The following P3H1 variants were observed in gnomAD, a reference collection of about 807,000 sequenced individuals.
P3H1 encodes prolyl 3-hydroxylase 1, also known as growth suppressor 1.
P3H1 carries 69 observed loss-of-function variants against 84.0 expected under a neutral mutation model. That is an observed-to-expected ratio of 0.82 (90% CI 0.68 to 1.00). P3H1 has a LOEUF of 1.00. P3H1 is among the 50% of genes least tolerant of loss of function. P3H1 has a pLI of 0.00. For missense variants in P3H1, 878 were observed against 962.8 expected (o/e 0.91, Z 1.17); for synonymous variants, 366 against 388.8 (o/e 0.94, Z 0.69).
chr1:42,766,772 G>C lies in P3H1; in HGVS notation c.200C>G (p.Ala67Gly), dbSNP rs757325811. Residue 67 changes from alanine to glycine, a missense_variant, in exon 1 of 15, where the codon GCC (alanine) becomes GGC (glycine). Coordinates refer to ENST00000296388, the MANE Select transcript of P3H1 (RefSeq NM_022356.4). ...GCAGCGCAGGCGAAGGGCGCGGAGG[G>C]CTGCCCGGGAGCGCAGCGCCCGTTC... ...SMERALRSRA[A>G]LRALRLRCRT... 6.3e-7 allele frequency: 1 copy of C among 1,596,608 alleles called. No individual in the cohort carries two copies. The highest frequency in any genetic ancestry group is 8.5e-7 in the Non-Finnish European group (1 of 1,175,274).
chr1:42,755,428 A>G, intron 6 of P3H1, 120 bp downstream of exon 6: 1 of 1,029,062 alleles, frequency 9.7e-7, no homozygotes, highest in East Asian at 2.4e-5. Context: ...CACAGATCCC[A>G]GGCTAGGCTC....
Position 42,749,900 on chromosome 1 carries a change from A to G in P3H1, c.1720+286T>C, listed in dbSNP as rs1018572. The stretch of plus-strand genomic sequence containing the variant: ...GCAGGTCCTCTATGAATGGTTTAGC[A>G]CCAGCTTCCCCATTAAAGTGCGTTG... On this transcript the variant is annotated intron_variant, in intron 11 of 14. Coordinates refer to ENST00000296388, the MANE Select transcript of P3H1 (RefSeq NM_022356.4). The G allele has an allele frequency of 0.99, 449,327 of 456,066 alleles. 221,377 individuals carry two copies. The highest frequency in any genetic ancestry group is 1 in the East Asian group (23,552 of 23,558). The allele number at this position is 456,066 out of a possible 1,614,324, so 28.3% of individuals were successfully genotyped here. A position where few individuals can be genotyped will look rare whatever the true frequency, so the allele number is the denominator to read the frequency against.
At chr1:42,750,473 T>TG in intron 10 of P3H1, 137 bp from the exon 11 acceptor site, 1 of 891,210 alleles carries the variant, frequency 1.1e-6, no homozygotes, top group Admixed American at 2.0e-5. Flanking sequence ...GACTGAATAA[T>TG]GGGGGTGGAT....
chr1:42,754,769 A>G lies in P3H1; in HGVS notation c.1345+100T>C. 6.6e-7 allele frequency: 1 copy of G among 1,522,760 alleles called. No homozygotes were observed. 94.3% of individuals were successfully genotyped at this position (1,522,760 alleles called of 1,614,324 possible). On this transcript the variant is annotated intron_variant, in intron 8 of 14. Transcript: ENST00000296388. The surrounding 1 kb of genome is among the most constrained non-coding windows in gnomAD (Gnocchi z 4.0). ...CCCTAAGGGTGGCTGGCTCATGGTGAGCTCTGCAATGCTGGGGTGGAGCGC... is the reference window on the plus strand; with the variant it reads ...CCCTAAGGGTGGCTGGCTCATGGTGGGCTCTGCAATGCTGGGGTGGAGCGC...
chr1:42,748,879 A>C, intron 11 of P3H1: 1 of 202,680 alleles, frequency 4.9e-6, no homozygotes, highest in Admixed American at 5.2e-5. Context: ...TCCCCAACGC[A>C]AACCTTTGGC....
rs1651833340 is a variant in P3H1, at chr1:42,748,114, C to T, written c.1838+86G>A. ...GCTAGCCCCAACCAGTGTGTGTGTG[C>T]TAGGGTGGGGTAGTAGAGTGCAGGG... On this transcript the variant is annotated intron_variant, in intron 12 of 14. Coordinates refer to ENST00000296388, the MANE Select transcript of P3H1 (RefSeq NM_022356.4). 4 of 948,234 alleles carry T rather than the reference C, an allele frequency of 4.2e-6. No individual in the cohort carries two copies. The East Asian group carries it at 7.4e-5, about 17-fold the overall frequency. The allele number at this position is 948,234 out of a possible 1,614,324, so 58.7% of individuals were successfully genotyped here.
In P3H1 at chr1:42,766,964, A is replaced by C; in HGVS notation, c.8T>G (p.Val3Gly). The change falls in exon 1 of 15, where the codon GTA becomes GGA. Residue 3 changes from valine to glycine, a missense_variant. Val to Gly is a moderately radical substitution (Grantham distance 109, BLOSUM62 -3). Transcript: ENST00000296388. MA[V>G]RALKLLTTLL... ...TGTGGTCAGCAGCTTCAACGCGCGTACCGCCATCGCTCCCTCAGACCTAAC... is the reference window on the plus strand; with the variant it reads ...TGTGGTCAGCAGCTTCAACGCGCGTCCCGCCATCGCTCCCTCAGACCTAAC... 1 of 1,608,140 alleles carries C rather than the reference A, an allele frequency of 6.2e-7. No homozygotes were observed. Among genetic ancestry groups the C allele is most frequent in the Admixed American group, 1.7e-5 (1 of 60,012 alleles).
intron 13 of P3H1, 91 bp from the exon 14 acceptor site, chr1:42,747,503 G>C: frequency 1.5e-6 from 2 of 1,325,024 alleles, no homozygotes; most frequent in Non-Finnish European, 2.1e-6. Flanking sequence ...GCTCACGACC[G>C]AGGGCAGCTC....
At chr1:42,763,586 C>T (rs938058680) in intron 1 of P3H1, among the ~76,000 whole-genome samples, 3 of 143,718 alleles carry the variant, frequency 2.1e-5, no homozygotes, top group Non-Finnish European at 3.0e-5. Context: ...GCAGGAGAAT[C>T]GCTTGAACCC....
Position 42,766,750 on chromosome 1 carries a change from G to T in P3H1, c.222C>A (p.Arg74=). ...SRAALRALRL[R]CRTQCAADFP... ...AGTCGGCGGCACACTGGGTGCGGCA[G>T]CGCAGGCGAAGGGCGCGGAGGGCTG... is the stretch of plus-strand genomic sequence containing the variant. The change falls in exon 1 of 15, where the codon CGC becomes CGA. Residue 74 remains arginine (R), a synonymous_variant. Coordinates refer to ENST00000296388, the MANE Select transcript of P3H1 (RefSeq NM_022356.4). 6.3e-7 allele frequency: 1 copy of T among 1,584,462 alleles called. No homozygotes were observed. The highest frequency in any genetic ancestry group is 8.6e-7 in the Non-Finnish European group (1 of 1,167,194).
rs1570485991 is a variant in P3H1 at position 42,766,374 on chromosome 1, G to A, written c.465+133C>T. ...GGGAGCAGCTCTCCCCGGCTCCGAGGAGAGCTCCCCAGCCAGGAGGCCACT... is the reference window on the plus strand; with the variant it reads ...GGGAGCAGCTCTCCCCGGCTCCGAGAAGAGCTCCCCAGCCAGGAGGCCACT... On this transcript the variant is annotated intron_variant, in intron 1 of 14. Transcript: ENST00000296388. 3.8e-6 allele frequency: 3 copies of A among 797,232 alleles called. No individual in the cohort carries two copies. In the East Asian group the frequency reaches 8.3e-5, roughly 22 times the overall value. 49.4% of individuals were successfully genotyped at this position (797,232 alleles called of 1,614,324 possible). A position where few individuals can be genotyped will look rare whatever the true frequency, so the allele number is the denominator to read the frequency against.
chr1:42,753,317 A>G (rs764532445), intron 8 of P3H1, among the ~76,000 whole-genome samples: 1 of 152,230 alleles, frequency 6.6e-6, no homozygotes, highest in African/African-American at 2.4e-5. Flanking sequence ...AATTCTTTTC[A>G]TACGCTAATC....
At position 42,752,358 on chromosome 1, in the gene P3H1, G is replaced by A; in HGVS notation, c.1485C>T (p.Thr495=). 5 of 1,614,130 alleles carry A rather than the reference G, an allele frequency of 3.1e-6. No homozygotes were observed. The highest frequency in any genetic ancestry group is 4.2e-6 in the Non-Finnish European group (5 of 1,180,034). ...TCTGACCCCGGTAGCCATCTCCTGA[G>A]GTTGCTGCCACCTACAAGGCCCAAA... ...ELQRLTNVAA[T]SGDGYRGQTS... The change falls in exon 10 of 15, where the codon ACC becomes ACT. Residue 495 remains threonine (T), a synonymous_variant. Transcript: ENST00000296388.
intron 4 of P3H1, 89 bp from the exon 5 acceptor site, chr1:42,758,011 T>A: frequency 2.4e-6 from 3 of 1,239,104 alleles, no homozygotes; most frequent in Non-Finnish European, 3.6e-6. Flanking sequence ...GTGTTCAGTC[T>A]CCACAAAGCT....
rs67312126 is a variant in P3H1 at position 42,751,565 on chromosome 1, TAAAA to T, written c.1569+705_1569+708del. On this transcript the variant is annotated intron_variant, in intron 10 of 14. Coordinates refer to ENST00000296388, the MANE Select transcript of P3H1 (RefSeq NM_022356.4). Reference sequence around the variant, plus strand: ...GCGAGAAACACCCAAGAATGATCAATAAAAAAAAAATAAATAAATAAATAAATAA... The same window carrying T: ...GCGAGAAACACCCAAGAATGATCAATAAAAAATAAATAAATAAATAAATAA... 2.4e-3 allele frequency: 205 copies of T among 85,840 alleles called. 1 individual carries two copies. The highest frequency in any genetic ancestry group is 3.6e-3 in the Admixed American group (32 of 8,918). The allele number at this position is 85,840 out of a possible 1,614,324, so 5.3% of individuals were successfully genotyped here. A position where few individuals can be genotyped will look rare whatever the true frequency, so the allele number is the denominator to read the frequency against.
chr1:42,757,956 AGAGT>A (rs1652497340), intron 4 of P3H1, 34 bp from the exon 5 acceptor site: 3 of 1,594,974 alleles, frequency 1.9e-6, no homozygotes, highest in Non-Finnish European at 2.6e-6. Flanking sequence ...CTGAGAGGAA[AGAGT>A]CAAAAGGAAA....
rs765160832 is a variant in P3H1, at chr1:42,755,584, G to A, written c.1134C>T (p.Phe378=). The change falls in exon 6 of 15, where the codon TTC becomes TTT. Residue 378 remains phenylalanine, a synonymous_variant. Transcript: ENST00000296388. Reference sequence around the variant, plus strand: ...AGGGAATTCCAAAAACATCATAAGCGAAGAAAAGCAGTTCTTTTTCCAGTA... The same window carrying A: ...AGGGAATTCCAAAAACATCATAAGCAAAGAAAAGCAGTTCTTTTTCCAGTA... The part of the protein sequence containing the change: ...RSLLEKELLF[F]AYDVFGIPFV... 6.3e-5 allele frequency: 102 copies of A among 1,613,958 alleles called. No homozygotes were observed. In the East Asian group the frequency reaches 2.0e-3, roughly 31 times the overall value.
Position 42,747,330 on chromosome 1 carries a change from C to T in P3H1, c.1997G>A (p.Arg666Lys), listed in dbSNP as rs778308842. ...ENPHGVKAVT[R>K]GQRCAIALWF... ...CAGGGCGATGGCACAGCGCTGCCCC[C>T]TGGTGACAGCCTTCACTCCATGTGG... Residue 666 changes from arginine (R) to lysine (K), a missense_variant, in exon 14 of 15, where the codon AGG (arginine) becomes AAG (lysine). By Grantham distance (26) the Arg-to-Lys change is conservative (BLOSUM62 2). Transcript: ENST00000296388. 6.2e-7 allele frequency: 1 copy of T among 1,610,298 alleles called. No individual in the cohort carries two copies. The highest frequency in any genetic ancestry group is 8.5e-7 in the Non-Finnish European group (1 of 1,177,328).
chr1:42,758,348 T>G (rs1240413606), intron 4 of P3H1, among the ~76,000 whole-genome samples: 1 of 152,240 alleles, frequency 6.6e-6, no homozygotes, highest in Admixed American at 6.5e-5. Flanking sequence ...ATTGTCTCTT[T>G]GGCAAAATAG....
Sources: allele counts gnomAD v4.1 joint callset (sites outside exome capture counted in the v4.1 genomes callset), GRCh38; gene constraint gnomAD v4.1.1; non-coding constraint Gnocchi (gnomAD v3.1); transcripts MANE v1.5; gene names NCBI Gene and HGNC (gene_info 2026-07-23, HGNC 2026-07-21).